The following LRMDA variants were observed in gnomAD, a reference collection of about 807,000 sequenced individuals.
LRMDA encodes the protein leucine rich melanocyte differentiation associated.
Under a neutral mutation model 29.8 loss-of-function variants are expected in LRMDA, and 18 were observed. That is an observed-to-expected ratio of 0.60 (90% CI 0.42 to 0.90). The LOEUF (loss-of-function observed/expected upper bound fraction) is 0.90, where lower values mean the gene tolerates loss of function less well. LRMDA is among the 40% of genes least tolerant of loss of function. The pLI is 0.00. For missense variants in LRMDA, 273 were observed against 273.9 expected (o/e 1.00, Z 0.02); for synonymous variants, 125 against 109.4 (o/e 1.14, Z -0.89).
chr10:76,472,866 T>TAAAC (rs1406171242), intron 6 of LRMDA, among the ~76,000 whole-genome samples: 7 of 151,286 alleles, frequency 4.6e-5, no homozygotes, highest in Admixed American at 1.3e-4. Flanking sequence ...ATTGAGTTTG[T>TAAAC]AAACAAACAA....
At chr10:76,182,360 C>T (rs78161343) in intron 5 of LRMDA, among the ~76,000 whole-genome samples, 4 of 152,260 alleles carry the variant, frequency 2.6e-5, no homozygotes, top group East Asian at 3.9e-4. Context: ...GTTCTTCCCT[C>T]GACATGTGGG....
intron 5 of LRMDA, among the ~76,000 whole-genome samples, chr10:76,174,643 T>G (rs1011322366): frequency 2.6e-5 from 4 of 152,150 alleles, no homozygotes; most frequent in African/African-American, 9.6e-5. Context: ...AAGGTCCCTA[T>G]TCATATGGCC....
In LRMDA at chr10:75,743,210, A is replaced by G. The variant is rs551984532; in HGVS notation, c.132-292798A>G. ...TAGTTGTACTTTGTGGAAGAAAAAA[A>G]ACTTTATCATCAAGGCTTTGTCCTG... On this transcript the variant is annotated intron_variant, in intron 2 of 6. Coordinates refer to ENST00000611255, the MANE Select transcript of LRMDA (RefSeq NM_001305581.2). Among the ~76,000 whole-genome samples the G allele has an allele frequency of 2.6e-5, 4 of 152,174 alleles. No individual in the cohort carries two copies. The East Asian group carries it at 7.7e-4, about 29-fold the overall frequency.
At chr10:76,459,950 CT>C (rs1461648704) in intron 6 of LRMDA, among the ~76,000 whole-genome samples, 4 of 152,098 alleles carry the variant, frequency 2.6e-5, no homozygotes, top group African/African-American at 9.7e-5. Flanking sequence ...GTGATGAGCC[CT>C]GAATGGGACA....
At chr10:76,178,483 C>A (rs1265031181) in intron 5 of LRMDA, among the ~76,000 whole-genome samples, 1 of 152,068 alleles carries the variant, frequency 6.6e-6, no homozygotes, top group Non-Finnish European at 1.5e-5. Context: ...AAAGTGGGCA[C>A]GGGGAAGACA....
chr10:75,948,002 G>A (rs1005186283), intron 2 of LRMDA, among the ~76,000 whole-genome samples: 4 of 152,172 alleles, frequency 2.6e-5, no homozygotes, highest in Middle Eastern at 3.2e-3. Context: ...TCAGCCTTAG[G>A]TCCATAGAAG....
At chr10:76,519,910 T>C (rs1009805792) in intron 6 of LRMDA, among the ~76,000 whole-genome samples, 1 of 152,178 alleles carries the variant, frequency 6.6e-6, no homozygotes, top group South Asian at 2.1e-4. Flanking sequence ...AAAAGCATAC[T>C]TTTTTTAAGT....
chr10:76,312,309 G>T (rs927194443), intron 5 of LRMDA, among the ~76,000 whole-genome samples: 6 of 152,026 alleles, frequency 3.9e-5, no homozygotes, highest in Non-Finnish European at 7.4e-5. Flanking sequence ...ATTATGAACT[G>T]GGCTGTCATC....
At chr10:76,514,976 T>C (rs991212179) in intron 6 of LRMDA, among the ~76,000 whole-genome samples, 1 of 152,214 alleles carries the variant, frequency 6.6e-6, no homozygotes, top group Non-Finnish European at 1.5e-5. Context: ...TGGATGTGCA[T>C]AAATTATTGT....
At chr10:75,673,655 T>C (rs1357364086) in intron 2 of LRMDA, among the ~76,000 whole-genome samples, 3 of 152,184 alleles carry the variant, frequency 2.0e-5, no homozygotes, top group African/African-American at 7.2e-5. Flanking sequence ...AGCAGAAATG[T>C]GAAGCCAGCT....
chr10:76,117,584 A>G (rs1034437411), intron 5 of LRMDA, among the ~76,000 whole-genome samples: 45 of 152,334 alleles, frequency 3.0e-4, no homozygotes, highest in African/African-American at 1.0e-3. Flanking sequence ...TTCCAGGCCA[A>G]GAAGAGAATG....
chr10:75,481,158 G>C (rs1220578407), intron 2 of LRMDA, among the ~76,000 whole-genome samples: 3 of 152,132 alleles, frequency 2.0e-5, no homozygotes, highest in Non-Finnish European at 4.4e-5. Context: ...GAAGGAATCA[G>C]AATAATGAGG....
intron 2 of LRMDA, among the ~76,000 whole-genome samples, chr10:75,695,765 AT>A (rs1387048572): frequency 6.6e-6 from 1 of 151,996 alleles, no homozygotes; most frequent in Non-Finnish European, 1.5e-5. Context: ...CTGTGGCCTG[AT>A]TTTTTTTCCT....
chr10:75,524,906 T>C (rs868143071), intron 2 of LRMDA, among the ~76,000 whole-genome samples: 18 of 152,118 alleles, frequency 1.2e-4, no homozygotes, highest in African/African-American at 4.3e-4. Flanking sequence ...GAACCTGAGT[T>C]TGGAGGTGCT....
At chr10:75,473,459 A>C (rs1460687599) in intron 2 of LRMDA, among the ~76,000 whole-genome samples, 1 of 152,240 alleles carries the variant, frequency 6.6e-6, no homozygotes, top group African/African-American at 2.4e-5. Context: ...TGATTTCTCT[A>C]CATCAGGATC....
intron 5 of LRMDA, among the ~76,000 whole-genome samples, chr10:76,256,379 T>C (rs944091912): frequency 6.6e-6 from 1 of 152,210 alleles, no homozygotes; most frequent in Non-Finnish European, 1.5e-5. Flanking sequence ...ACATATTCAT[T>C]AAACACTCTG....
chr10:75,670,583 A>G (rs1841879547), intron 2 of LRMDA, among the ~76,000 whole-genome samples: 1 of 152,138 alleles, frequency 6.6e-6, no homozygotes, highest in African/African-American at 2.4e-5. Flanking sequence ...TCCTGGCTCC[A>G]AGGAGGCCTC....
At chr10:75,601,452 G>T (rs1458812969) in intron 2 of LRMDA, 1 of 152,198 alleles carries the variant, frequency 6.6e-6, no homozygotes, top group Non-Finnish European at 1.5e-5. Flanking sequence ...ATACCAATGG[G>T]AATAATGGAT....
intron 2 of LRMDA, among the ~76,000 whole-genome samples, chr10:75,752,356 C>T (rs187416640): frequency 1.1e-4 from 17 of 151,910 alleles, no homozygotes; most frequent in Admixed American, 4.6e-4. Context: ...GGACTACAGG[C>T]GCCCGCCACC....
Sources: gnomAD v4.1 joint callset for allele counts (sites outside exome capture counted in the v4.1 genomes callset) on GRCh38, gnomAD v4.1.1 for gene constraint, MANE v1.5 for transcripts, NCBI Gene and HGNC (gene_info 2026-07-23, HGNC 2026-07-21) for gene names.